The following B3GALT1 variants were observed in gnomAD, a reference collection of about 807,000 sequenced individuals.
The protein encoded by B3GALT1 is UDP-Gal:betaGlcNAc beta 1,3-galactosyltransferase, polypeptide 1.
Under a neutral mutation model 23.2 loss-of-function variants are expected in B3GALT1, and 10 were observed. The ratio of observed to expected loss-of-function variants is 0.43; its 90% CI spans 0.27 to 0.73. The LOEUF is 0.73. B3GALT1 is among the 30% of genes least tolerant of loss of function. B3GALT1 has a pLI of 0.21. For missense variants in B3GALT1, 299 were observed against 405.4 expected, an observed-to-expected ratio of 0.74 and a Z score of 2.25; for synonymous variants, 156 against 141.5, an observed-to-expected ratio of 1.10 and a Z score of -0.73.
intron 4 of B3GALT1, among the ~76,000 whole-genome samples, chr2:167,825,278 C>T (rs1403507735): frequency 1.3e-4 from 15 of 113,864 alleles, no homozygotes; most frequent in African/African-American, 6.0e-4. Context: ...AGCAAGACTC[C>T]GTCTCAAAAA....
chr2:167,310,003 A>T (rs1175403802), intron 1 of B3GALT1, among the ~76,000 whole-genome samples: 1 of 152,064 alleles, frequency 6.6e-6, no homozygotes. Flanking sequence ...TATATAAAAG[A>T]TTTTCTGAGT....
intron 1 of B3GALT1, among the ~76,000 whole-genome samples, chr2:167,306,214 C>T (rs1696549958): frequency 6.6e-6 from 1 of 151,894 alleles, no homozygotes; most frequent in African/African-American, 2.4e-5. Context: ...TATGCACATA[C>T]ATTTGAGAAT....
chr2:167,666,192 T>G (rs1686181581), intron 3 of B3GALT1, among the ~76,000 whole-genome samples: 1 of 152,256 alleles, frequency 6.6e-6, no homozygotes, highest in Non-Finnish European at 1.5e-5. Context: ...TATGTCTGCC[T>G]TCATTTCATT....
At chr2:167,421,133 ACTGT>A (rs1384871206) in intron 1 of B3GALT1, among the ~76,000 whole-genome samples, 6 of 152,214 alleles carry the variant, frequency 3.9e-5, no homozygotes, top group Admixed American at 2.6e-4. Context: ...CTGGTATTTC[ACTGT>A]CTGTTGTGGT....
intron 1 of B3GALT1, among the ~76,000 whole-genome samples, chr2:167,383,473 G>A (rs1343317599): frequency 6.6e-6 from 1 of 152,134 alleles, no homozygotes; most frequent in Non-Finnish European, 1.5e-5. Context: ...ACATCCTGCA[G>A]AGGTGGTCAC....
intron 3 of B3GALT1, among the ~76,000 whole-genome samples, chr2:167,764,810 C>T (rs768034924): frequency 4.6e-5 from 7 of 152,060 alleles, no homozygotes; most frequent in Admixed American, 1.3e-4. Flanking sequence ...AAATAACTAA[C>T]GGCTTTCTAC....
chr2:167,794,413 T>TA (rs1013914941), intron 3 of B3GALT1, among the ~76,000 whole-genome samples: 2 of 152,202 alleles, frequency 1.3e-5, no homozygotes, highest in Non-Finnish European at 2.9e-5. Flanking sequence ...TACTGTTGCA[T>TA]AAAAAATTGT....
In B3GALT1 at chr2:167,750,760, C is replaced by T. The variant is rs559742709; in HGVS notation, c.-351-67912C>T. 1.7e-4 allele frequency among the ~76,000 whole-genome samples: 26 copies of T among 150,996 alleles called. No homozygotes were observed. In the East Asian group the frequency reaches 2.0e-3, roughly 11 times the overall value. ...AAAAAAAAAAAAAAAAAAAACTAAG[C>T]CCCTCGCAGGTAACACTCAGGGATC... On this transcript the variant is annotated intron_variant, in intron 3 of 4. Coordinates refer to ENST00000392690, the MANE Select transcript of B3GALT1 (RefSeq NM_020981.4).
chr2:167,465,712 C>A (rs543506942), intron 1 of B3GALT1, among the ~76,000 whole-genome samples: 1 of 152,096 alleles, frequency 6.6e-6, no homozygotes, highest in Admixed American at 6.6e-5. Context: ...AAATGTATTT[C>A]AAAAAGAACG....
At chr2:167,855,029 A>C (rs1226466420) in intron 4 of B3GALT1, among the ~76,000 whole-genome samples, 1 of 152,172 alleles carries the variant, frequency 6.6e-6, no homozygotes, top group Non-Finnish European at 1.5e-5. Context: ...CTTTGTAGAT[A>C]CCTTAATATT....
At chr2:167,370,662 GC>G (rs143728405) in intron 1 of B3GALT1, among the ~76,000 whole-genome samples, 2,500 of 152,224 alleles carry the variant, frequency 0.016, 74 homozygotes, top group African/African-American at 0.057. Context: ...ATTTGGTTGG[GC>G]TCTGTCTCCA....
chr2:167,464,669 A>G (rs1433761452), intron 1 of B3GALT1, among the ~76,000 whole-genome samples: 1 of 152,182 alleles, frequency 6.6e-6, no homozygotes, highest in Non-Finnish European at 1.5e-5. Flanking sequence ...AACTGAAGTT[A>G]CCTAAAGTTT....
chr2:167,296,849 T>C (rs923617367), intron 1 of B3GALT1, among the ~76,000 whole-genome samples: 1 of 152,140 alleles, frequency 6.6e-6, no homozygotes, highest in African/African-American at 2.4e-5. Flanking sequence ...ATCATAAAAA[T>C]ATAGTGATAA....
At chr2:167,531,020 G>C (rs1730685) in intron 2 of B3GALT1, among the ~76,000 whole-genome samples, 3,153 of 152,210 alleles carry the variant, frequency 0.021, 111 homozygotes, top group African/African-American at 0.072. Flanking sequence ...AAGTACTTTA[G>C]GGTTTTTATC....
At chr2:167,756,831 G>C (rs1489054333) in intron 3 of B3GALT1, among the ~76,000 whole-genome samples, 1 of 152,150 alleles carries the variant, frequency 6.6e-6, no homozygotes, top group East Asian at 1.9e-4. Flanking sequence ...CAGAAGGACT[G>C]GCCCATTTAC....
At chr2:167,402,402 G>A (rs1347968523) in intron 1 of B3GALT1, among the ~76,000 whole-genome samples, 1 of 152,024 alleles carries the variant, frequency 6.6e-6, no homozygotes, top group African/African-American at 2.4e-5. Flanking sequence ...ATGCATTTAA[G>A]CAAGATGATT....
intron 4 of B3GALT1, among the ~76,000 whole-genome samples, chr2:167,853,941 G>C (rs991182637): frequency 1.3e-5 from 2 of 152,106 alleles, no homozygotes; most frequent in Non-Finnish European, 2.9e-5. Context: ...CCAGTCAAAA[G>C]ACACATGCCA....
At chr2:167,635,324 A>G (rs143217460) in intron 2 of B3GALT1, among the ~76,000 whole-genome samples, 2,127 of 152,268 alleles carry the variant, frequency 0.014, 15 homozygotes, top group Middle Eastern at 0.044. Context: ...ACTCCTGTTC[A>G]AAACAGTATT....
Position 167,532,203 on chromosome 2 carries a change from A to T in B3GALT1, c.-410+41926A>T, listed in dbSNP as rs530967564. Reference sequence around the variant, plus strand: ...AATTTGTCTATTGGGATGCTAGCATATGAATTTTTAATAAATAATTTCTGC... The same window carrying T: ...AATTTGTCTATTGGGATGCTAGCATTTGAATTTTTAATAAATAATTTCTGC... On this transcript the variant is annotated intron_variant, in intron 2 of 4. Coordinates refer to ENST00000392690, the MANE Select transcript of B3GALT1 (RefSeq NM_020981.4). Among the ~76,000 whole-genome samples, 96 of 152,284 alleles carry T rather than the reference A, an allele frequency of 6.3e-4. 1 individual carries two copies. In the South Asian group the frequency reaches 0.011, roughly 17 times the overall value.
Sources: gnomAD v4.1 joint callset for allele counts (sites outside exome capture counted in the v4.1 genomes callset) on GRCh38, gnomAD v4.1.1 for gene constraint, MANE v1.5 for transcripts, NCBI Gene and HGNC (gene_info 2026-07-23, HGNC 2026-07-21) for gene names.